The following GUCY1A2 variants were observed in gnomAD, a reference collection of about 807,000 sequenced individuals.
GUCY1A2 encodes guanylate cyclase soluble subunit alpha-2.
GUCY1A2 carries 27 observed loss-of-function variants against 63.5 expected under a neutral mutation model. The observed-to-expected ratio is 0.43, with a 90% CI of 0.31 to 0.59. GUCY1A2 has a LOEUF of 0.59. Ranked by LOEUF, GUCY1A2 falls within the 20% of genes least tolerant of loss-of-function variation. The pLI, the probability that GUCY1A2 is intolerant of heterozygous loss-of-function variation, is 0.11. For synonymous variants in GUCY1A2, 364 were observed against 343.5 expected, an observed-to-expected ratio of 1.06 and a Z score of -0.66; for missense variants, 768 against 913.3, an observed-to-expected ratio of 0.84 and a Z score of 2.05.
intron 6 of GUCY1A2, among the ~76,000 whole-genome samples, chr11:106,760,004 T>G (rs1209506148): frequency 6.6e-6 from 1 of 151,894 alleles, no homozygotes; most frequent in Non-Finnish European, 1.5e-5. Context: ...CATGTAAAGA[T>G]TGGATTTTAT....
intron 3 of GUCY1A2, among the ~76,000 whole-genome samples, chr11:106,959,847 A>C (rs1486762336): frequency 3.3e-5 from 5 of 152,196 alleles, no homozygotes; most frequent in Non-Finnish European, 7.3e-5. Context: ...ACTACCTTTC[A>C]TGAGAATGAC....
chr11:106,708,495 G>A lies in GUCY1A2; in HGVS notation c.1991+17C>T. The A allele has an allele frequency of 1.9e-6, 3 of 1,600,964 alleles. No individual in the cohort carries two copies. Among genetic ancestry groups the A allele is most frequent in the South Asian group, 2.2e-5 (2 of 90,214 alleles). On this transcript the variant is annotated intron_variant, in intron 7 of 7. Coordinates refer to ENST00000526355, the MANE Select transcript of GUCY1A2 (RefSeq NM_000855.3). ...ACAAAGGCCAAGACAGGAAGGAGGA[G>A]GCCAGAGAACACTTACTGGTAAGTG...
intron 6 of GUCY1A2, among the ~76,000 whole-genome samples, chr11:106,742,422 G>C (rs921600429): frequency 2.6e-5 from 4 of 152,072 alleles, no homozygotes; most frequent in Admixed American, 2.6e-4. Context: ...TCCCACTTAC[G>C]AGTGAGAATA....
chr11:106,803,006 C>T (rs1281306486), intron 5 of GUCY1A2, among the ~76,000 whole-genome samples: 2 of 152,086 alleles, frequency 1.3e-5, no homozygotes, highest in African/African-American at 4.8e-5. Flanking sequence ...GGACAAAAAC[C>T]TCAAAACACT....
intron 5 of GUCY1A2, among the ~76,000 whole-genome samples, chr11:106,777,362 G>T (rs563715020): frequency 2.2e-4 from 33 of 150,168 alleles, no homozygotes; most frequent in South Asian, 1.7e-3. Context: ...CAGGAGAATC[G>T]CTTGAACCCA....
intron 1 of GUCY1A2, among the ~76,000 whole-genome samples, chr11:107,000,357 A>T (rs1343635730): frequency 6.6e-6 from 1 of 152,174 alleles, no homozygotes; most frequent in Non-Finnish European, 1.5e-5. Context: ...CTGAAGCTTC[A>T]AATGGAATTA....
At chr11:106,770,303 A>G (rs1864234061) in intron 6 of GUCY1A2, among the ~76,000 whole-genome samples, 1 of 152,146 alleles carries the variant, frequency 6.6e-6, no homozygotes, top group African/African-American at 2.4e-5. Flanking sequence ...GTTAGGCTGT[A>G]TTATTTAGAG....
At position 106,681,703 on chromosome 11, in the gene GUCY1A2, G is replaced by A; in HGVS notation, c.*5846C>T. 9.1e-6 allele frequency: 2 copies of A among 220,464 alleles called. No homozygotes were observed. Among genetic ancestry groups the A allele is most frequent in the Non-Finnish European group, 1.8e-5 (2 of 110,060 alleles). 13.7% of individuals were successfully genotyped at this position (220,464 alleles called of 1,614,324 possible). A position where few individuals can be genotyped will look rare whatever the true frequency, so the allele number is the denominator to read the frequency against. On this transcript the variant is annotated 3_prime_UTR_variant, in exon 8 of 8. Transcript: ENST00000526355. ...GAGTATCTTTAAAAAGTCCACACCA[G>A]CTATATTATTGCTTGTATAAAACAT...
chr11:106,731,446 G>A (rs1028244359), intron 6 of GUCY1A2, among the ~76,000 whole-genome samples: 1 of 152,042 alleles, frequency 6.6e-6, no homozygotes, highest in African/African-American at 2.4e-5. Context: ...ATGGGCAAAA[G>A]CTGGAAACAT....
chr11:106,952,030 C>T lies in GUCY1A2; in HGVS notation c.488-11852G>A, dbSNP rs562216588. ...ATTGCTTGTTTTTTGTCAGGTTTGT[C>T]AAAGATCAGATGGTTGCAGATATGT... is the stretch of plus-strand genomic sequence containing the variant. On this transcript the variant is annotated intron_variant, in intron 3 of 7. Coordinates refer to ENST00000526355, the MANE Select transcript of GUCY1A2 (RefSeq NM_000855.3). Among the ~76,000 whole-genome samples the T allele has an allele frequency of 3.3e-5, 5 of 152,190 alleles. No homozygotes were observed. In the South Asian group the frequency reaches 1.0e-3, roughly 32 times the overall value.
intron 4 of GUCY1A2, among the ~76,000 whole-genome samples, chr11:106,920,004 T>G (rs1380262930): frequency 1.3e-5 from 2 of 152,108 alleles, no homozygotes; most frequent in East Asian, 3.9e-4. Flanking sequence ...TTCAAAAAAT[T>G]ACAGGTTGAC....
At position 107,017,607 on chromosome 11, in the gene GUCY1A2, C is replaced by A. The variant is rs547220632; in HGVS notation, c.303+146G>T. 131 of 393,606 alleles carry A rather than the reference C, an allele frequency of 3.3e-4. 1 individual carries two copies. The South Asian group carries it at 9.7e-3, about 29-fold the overall frequency. 24.4% of individuals were successfully genotyped at this position (393,606 alleles called of 1,614,324 possible). A position where few individuals can be genotyped will look rare whatever the true frequency, so the allele number is the denominator to read the frequency against. On this transcript the variant is annotated intron_variant, in intron 1 of 7. Coordinates refer to ENST00000526355, the MANE Select transcript of GUCY1A2 (RefSeq NM_000855.3). The stretch of plus-strand genomic sequence containing the variant: ...CTAGGGGATCCTCTGTCGCCGGAGC[C>A]ACTGGAACCCTAGGCCGTGCAGGGT...
chr11:106,799,311 G>T (rs564157421), intron 5 of GUCY1A2, among the ~76,000 whole-genome samples: 1 of 152,214 alleles, frequency 6.6e-6, no homozygotes, highest in East Asian at 1.9e-4. Flanking sequence ...CATGAAAATG[G>T]CCATACTGCC....
intron 4 of GUCY1A2, among the ~76,000 whole-genome samples, chr11:106,889,459 C>T (rs892389103): frequency 4.6e-5 from 7 of 152,276 alleles, no homozygotes; most frequent in East Asian, 3.9e-4. Flanking sequence ...CAACCCCTCA[C>T]GTCTCAAGCA....
At chr11:106,961,413 C>T (rs548109409) in intron 3 of GUCY1A2, among the ~76,000 whole-genome samples, 2 of 152,252 alleles carry the variant, frequency 1.3e-5, no homozygotes, top group South Asian at 4.1e-4. Flanking sequence ...GAATGTGGAT[C>T]TTTTATTTTT....
chr11:106,702,995 C>T (rs745955502), intron 7 of GUCY1A2, among the ~76,000 whole-genome samples: 22 of 152,098 alleles, frequency 1.4e-4, no homozygotes, highest in Non-Finnish European at 2.9e-4. Flanking sequence ...CTGGGAAGGG[C>T]GGACCCACCC....
chr11:106,931,991 A>T (rs1860609190), intron 4 of GUCY1A2, among the ~76,000 whole-genome samples: 1 of 152,196 alleles, frequency 6.6e-6, no homozygotes, highest in Non-Finnish European at 1.5e-5. Flanking sequence ...CTATCAAAAA[A>T]TGAAGAGGTA....
At chr11:106,982,544 A>T (rs1591353597) in intron 2 of GUCY1A2, among the ~76,000 whole-genome samples, 2 of 152,176 alleles carry the variant, frequency 1.3e-5, no homozygotes, top group East Asian at 1.9e-4. Context: ...TAGTAATCAA[A>T]ATTTTCCACA....
At chr11:106,935,839 A>G (rs1199928290) in intron 4 of GUCY1A2, among the ~76,000 whole-genome samples, 2 of 150,004 alleles carry the variant, frequency 1.3e-5, no homozygotes, top group Non-Finnish European at 3.0e-5. Flanking sequence ...ACACAGCAAG[A>G]CTCCATCTCC....
Sources: allele counts gnomAD v4.1 joint callset (sites outside exome capture counted in the v4.1 genomes callset), GRCh38; gene constraint gnomAD v4.1.1; transcripts MANE v1.5; gene names NCBI Gene and HGNC (gene_info 2026-07-23, HGNC 2026-07-21).